Variants in TRARG1 observed in about 807,000 individuals in gnomAD.
TRARG1 encodes trafficking regulator of GLUT4 (SLC2A4) 1 (gene/pseudogene), also known as trafficking regulator of GLUT4 1.
In TRARG1, 16 loss-of-function variants were observed where a neutral mutation model predicts 13.3. The ratio of observed to expected loss-of-function variants is 1.20; its 90% CI spans 0.81 to 1.83. TRARG1 has a LOEUF of 1.83. Ranked by LOEUF, TRARG1 falls within the 40% of genes most tolerant of loss-of-function variation. The pLI, the probability that TRARG1 is intolerant of heterozygous loss-of-function variation, is 0.00. For synonymous variants in TRARG1, 113 were observed against 106.2 expected (o/e 1.06, Z -0.39); for missense variants, 250 against 237.4 (o/e 1.05, Z -0.35).
intron 1 of TRARG1, among the ~76,000 whole-genome samples, chr17:1,287,572 A>C (rs1414159381): frequency 1.3e-5 from 2 of 151,834 alleles, no homozygotes; most frequent in African/African-American, 2.4e-5. Flanking sequence ...TTGTGTTACC[A>C]GGATGGTCTC....
intron 1 of TRARG1, among the ~76,000 whole-genome samples, chr17:1,286,611 T>G (rs538521807): frequency 2.0e-4 from 18 of 90,688 alleles, no homozygotes; most frequent in African/African-American, 1.1e-3. Flanking sequence ...GTTATTGGCC[T>G]GTGGGGTGTT....
chr17:1,282,291 T>TGCGTATATATGTACATATAC (rs1598187865), intron 1 of TRARG1, among the ~76,000 whole-genome samples: 1 of 150,474 alleles, frequency 6.6e-6, no homozygotes, highest in East Asian at 2.1e-4. Context: ...TGTACATATA[T>TGCGTATATATGTACATATAC]GTACGTATAT....
At position 1,280,362 on chromosome 17, in the gene TRARG1, C is replaced by A; in HGVS notation, c.361C>A (p.Leu121Ile). ...ACFCPVWPLN[L>I]IPLIISIMSR... The stretch of plus-strand genomic sequence containing the variant: ...CTTCTGCCCCGTCTGGCCCCTCAAC[C>A]TCATCCCCCTCATCATTTCCATCAT... Residue 121 changes from leucine to isoleucine, a missense_variant, in exon 1 of 3, where the codon CTC becomes ATC. By Grantham distance (5) the Leu-to-Ile change is conservative (BLOSUM62 2). Transcript: ENST00000333813. 1 of 1,604,628 alleles carries A rather than the reference C, an allele frequency of 6.2e-7. No individual in the cohort carries two copies.
At chr17:1,281,971 C>CAT (rs1245240260) in intron 1 of TRARG1, among the ~76,000 whole-genome samples, 33 of 148,940 alleles carry the variant, frequency 2.2e-4, no homozygotes, top group East Asian at 4.1e-4. Context: ...CATATATGCA[C>CAT]ACGTGTACAT....
At chr17:1,287,979 G>A (rs1215227156) in intron 1 of TRARG1, among the ~76,000 whole-genome samples, 1 of 151,844 alleles carries the variant, frequency 6.6e-6, no homozygotes, top group East Asian at 1.9e-4. Context: ...AAGAACAAGA[G>A]TGCCCTCCCC....
intron 1 of TRARG1, among the ~76,000 whole-genome samples, chr17:1,294,979 C>T (rs373607606): frequency 4.6e-5 from 7 of 152,180 alleles, no homozygotes; most frequent in South Asian, 4.1e-4. Flanking sequence ...CCGCTGCGCC[C>T]GGCTGACAAT....
Position 1,280,203 on chromosome 17 carries a change from G to A in TRARG1, c.202G>A (p.Gly68Arg), listed in dbSNP as rs1410332590. The A allele has an allele frequency of 6.2e-7, 1 of 1,614,012 alleles. No homozygotes were observed. The highest frequency in any genetic ancestry group is 8.5e-7 in the Non-Finnish European group (1 of 1,179,966). ...CCTACCCTTCAAGGCCATCTCCGAG[G>A]GGCACCTGGAGGCCCCACTGCCTCG... ...QGLPFKAISE[G>R]HLEAPLPRSP... The change falls in exon 1 of 3, where the codon GGG (glycine) becomes AGG (arginine). Residue 68 changes from glycine (G) to arginine (R), a missense_variant. Transcript: ENST00000333813.
At chr17:1,282,397 G>C (rs1253721555) in intron 1 of TRARG1, among the ~76,000 whole-genome samples, 1 of 132,764 alleles carries the variant, frequency 7.5e-6, no homozygotes, top group Non-Finnish European at 1.6e-5. Context: ...TTAAGACAGA[G>C]TCTTGCTCTG....
intron 2 of TRARG1, 152 bp downstream of exon 2, chr17:1,295,775 G>A (rs940474548): frequency 5.8e-6 from 5 of 865,938 alleles, no homozygotes; most frequent in Non-Finnish European, 8.5e-6. Context: ...TCCATAAAGT[G>A]CCCCAGTTCC....
rs1454623153 is a variant in TRARG1, at chr17:1,295,567, C to T, written c.464C>T (p.Thr155Ile). 1 of 1,613,402 alleles carries T rather than the reference C, an allele frequency of 6.2e-7. No homozygotes were observed. Among genetic ancestry groups the T allele is most frequent in the East Asian group, 2.2e-5 (1 of 44,842 alleles). Residue 155 changes from threonine (T) to isoleucine (I), a missense_variant, in exon 2 of 3, where the codon ACC (threonine) becomes ATC (isoleucine). Transcript: ENST00000333813. Reference sequence around the variant, plus strand: ...CGCCTGGCTCGGCTGCTCAGCATTACCCTCATCATCATGGGCATCGTCATT... The same window carrying T: ...CGCCTGGCTCGGCTGCTCAGCATTATCCTCATCATCATGGGCATCGTCATT... ...LGRLARLLSI[T>I]LIIMGIVIIM...
At position 1,280,047 on chromosome 17, in the gene TRARG1, G is replaced by T; in HGVS notation, c.46G>T (p.Gly16Cys). The T allele has an allele frequency of 6.2e-7, 1 of 1,613,392 alleles. No homozygotes were observed. The highest frequency in any genetic ancestry group is 8.5e-7 in the Non-Finnish European group (1 of 1,180,032). ...QSEFPSAQEP[G>C]SAAFLDLPEM... is the part of the protein sequence containing the mutation. ...CGAGTTTCCTTCAGCACAGGAGCCA[G>T]GCTCCGCCGCATTCCTGGACCTGCC... Residue 16 changes from glycine to cysteine, a missense_variant, in exon 1 of 3, where the codon GGC (glycine) becomes TGC (cysteine). Coordinates refer to ENST00000333813, the MANE Select transcript of TRARG1 (RefSeq NM_172367.3).
chr17:1,281,514 C>T (rs1033906272), intron 1 of TRARG1, among the ~76,000 whole-genome samples: 17 of 152,290 alleles, frequency 1.1e-4, no homozygotes, highest in Admixed American at 2.6e-4. Context: ...AAGCCTTCCC[C>T]ATCCCACCAA....
intron 1 of TRARG1, among the ~76,000 whole-genome samples, chr17:1,282,051 CAT>C (rs1318078343): frequency 2.0e-5 from 2 of 97,614 alleles, no homozygotes; most frequent in Non-Finnish European, 4.2e-5. Flanking sequence ...CATATGTACA[CAT>C]ATGTACATGT....
intron 1 of TRARG1, among the ~76,000 whole-genome samples, chr17:1,294,065 C>T (rs2072093676): frequency 6.6e-6 from 1 of 152,132 alleles, no homozygotes; most frequent in African/African-American, 2.4e-5. Context: ...ACTCAGGAGC[C>T]TCAAATAATC....
chr17:1,283,028 G>T (rs143905781), intron 1 of TRARG1, among the ~76,000 whole-genome samples: 1,807 of 152,226 alleles, frequency 0.012, 98 homozygotes, highest in Admixed American at 0.11. Flanking sequence ...TGAATACCAG[G>T]CTGGGCACAG....
chr17:1,284,332 C>A (rs994597327), intron 1 of TRARG1, among the ~76,000 whole-genome samples: 2 of 152,184 alleles, frequency 1.3e-5, no homozygotes, highest in Non-Finnish European at 2.9e-5. Context: ...CGTCTTCAAG[C>A]GTCATCCCTG....
Position 1,298,373 on chromosome 17 carries a change from C to A in TRARG1, c.*109C>A. 7.9e-7 allele frequency: 1 copy of A among 1,268,032 alleles called. No homozygotes were observed. Among genetic ancestry groups the A allele is most frequent in the Non-Finnish European group, 1.1e-6 (1 of 904,416 alleles). The allele number at this position is 1,268,032 out of a possible 1,614,324, so 78.5% of individuals were successfully genotyped here. A position where few individuals can be genotyped will look rare whatever the true frequency, so the allele number is the denominator to read the frequency against. ...CTGACTGTCAAGCATCCCCTGTCCC[C>A]AAGTTCCAAAAGCACAGACTCAAAG... On this transcript the variant is annotated 3_prime_UTR_variant, in exon 3 of 3. Coordinates refer to ENST00000333813, the MANE Select transcript of TRARG1 (RefSeq NM_172367.3).
At position 1,280,073 on chromosome 17, in the gene TRARG1, G is replaced by C; in HGVS notation, c.72G>C (p.Pro24=). The change falls in exon 1 of 3, where the codon CCG becomes CCC. Residue 24 remains proline (P), a synonymous_variant. Coordinates refer to ENST00000333813, the MANE Select transcript of TRARG1 (RefSeq NM_172367.3). ...EPGSAAFLDL[P]EMEILLTKAE... ...GCTCCGCCGCATTCCTGGACCTGCC[G>C]GAGATGGAGATACTCCTCACCAAGG... 1 of 1,613,556 alleles carries C rather than the reference G, an allele frequency of 6.2e-7. No homozygotes were observed. The highest frequency in any genetic ancestry group is 8.5e-7 in the Non-Finnish European group (1 of 1,180,036).
In TRARG1 at chr17:1,279,996, G is replaced by T. The variant is rs375991284; in HGVS notation, c.-6G>T. 3.7e-6 allele frequency: 6 copies of T among 1,607,312 alleles called. No individual in the cohort carries two copies. The highest frequency in any genetic ancestry group is 5.1e-6 in the Non-Finnish European group (6 of 1,176,790). On this transcript the variant is annotated 5_prime_UTR_variant, in exon 1 of 3. Transcript: ENST00000333813. ...GGAGCTGCAGCCGCGCAAGGCCCAG[G>T]CCCCCATGGCCCACCCGGTGCAGTC...
Sources: allele counts gnomAD v4.1 joint callset (sites outside exome capture counted in the v4.1 genomes callset), GRCh38; gene constraint gnomAD v4.1.1; transcripts MANE v1.5; gene names NCBI Gene and HGNC (gene_info 2026-07-23, HGNC 2026-07-21).